Variants in ECT2L observed in about 807,000 individuals in gnomAD.
ECT2L encodes the protein epithelial cell transforming 2 like, also known as epithelial cell-transforming sequence 2 oncogene-like.
In ECT2L, 126 loss-of-function variants were observed where a neutral mutation model predicts 122.8. The ratio of observed to expected loss-of-function variants is 1.03; its 90% CI spans 0.89 to 1.19. The LOEUF is 1.19. Ranked by LOEUF, ECT2L falls within the 50% of genes most tolerant of loss-of-function variation. The pLI is 0.00. For missense variants in ECT2L, 1,012 were observed against 1,064.1 expected, an observed-to-expected ratio of 0.95 and a Z score of 0.68; for synonymous variants, 385 against 381.8, an observed-to-expected ratio of 1.01 and a Z score of -0.10.
intron 16 of ECT2L, among the ~76,000 whole-genome samples, chr6:138,885,115 G>A (rs1268107255): frequency 7.3e-5 from 10 of 136,268 alleles, no homozygotes; most frequent in African/African-American, 2.8e-5. Flanking sequence ...TGCAAGCTCC[G>A]CCTCACAGGT....
chr6:138,876,587 A>T, intron 14 of ECT2L, 29 bp downstream of exon 14: 1 of 1,463,914 alleles, frequency 6.8e-7, no homozygotes, highest in Non-Finnish European at 9.4e-7. Flanking sequence ...TAACTTTACC[A>T]TTGGTTTTGC....
At chr6:138,834,898 C>A (rs895297709) in intron 4 of ECT2L, among the ~76,000 whole-genome samples, 2 of 101,484 alleles carry the variant, frequency 2.0e-5, no homozygotes, top group Non-Finnish European at 4.0e-5. Context: ...CCCGTTTACA[C>A]ACACACACAC....
chr6:138,895,622 G>C (rs1250748193), intron 20 of ECT2L, among the ~76,000 whole-genome samples: 1 of 152,130 alleles, frequency 6.6e-6, no homozygotes, highest in Non-Finnish European at 1.5e-5. Flanking sequence ...CCAGGCTGGA[G>C]TGCAGTGGTG....
At chr6:138,842,567 G>T (rs529380170) in intron 5 of ECT2L, among the ~76,000 whole-genome samples, 23 of 152,226 alleles carry the variant, frequency 1.5e-4, no homozygotes, top group African/African-American at 4.8e-4. Context: ...GTCAGGAGAT[G>T]GAGACCATCC....
At chr6:138,825,540 G>A (rs1178657091) in intron 4 of ECT2L, among the ~76,000 whole-genome samples, 1 of 152,034 alleles carries the variant, frequency 6.6e-6, no homozygotes, top group Non-Finnish European at 1.5e-5. Context: ...CTGAGATCGT[G>A]CAATTGCACT....
intron 10 of ECT2L, among the ~76,000 whole-genome samples, chr6:138,862,284 C>T (rs1360522239): frequency 2.0e-5 from 3 of 152,122 alleles, no homozygotes; most frequent in African/African-American, 4.8e-5. Context: ...ATCTGCTTGG[C>T]ATCTGGTGAG....
At chr6:138,800,880 G>A (rs1279015398) in intron 1 of ECT2L, among the ~76,000 whole-genome samples, 1 of 152,226 alleles carries the variant, frequency 6.6e-6, no homozygotes, top group Non-Finnish European at 1.5e-5. Flanking sequence ...TCAAGGTGCT[G>A]ACAGGTCTGG....
chr6:138,902,489 T>C lies in ECT2L; in HGVS notation c.2588-11T>C. On this transcript the variant is annotated splice_polypyrimidine_tract_variant and intron_variant, in intron 21 of 21. Coordinates refer to ENST00000541398, the MANE Select transcript of ECT2L (RefSeq NM_001077706.3). ...CAAAGATTAATTAGTATACCTCAAATGCTTTTACAGATGTCAAGAATGCAT... is the reference window on the plus strand; with the variant it reads ...CAAAGATTAATTAGTATACCTCAAACGCTTTTACAGATGTCAAGAATGCAT... 1 of 1,610,426 alleles carries C rather than the reference T, an allele frequency of 6.2e-7. No individual in the cohort carries two copies. Among genetic ancestry groups the C allele is most frequent in the Non-Finnish European group, 8.5e-7 (1 of 1,178,264 alleles).
At chr6:138,898,753 C>A (rs1345469179) in intron 20 of ECT2L, among the ~76,000 whole-genome samples, 1 of 152,120 alleles carries the variant, frequency 6.6e-6, no homozygotes, top group Non-Finnish European at 1.5e-5. Flanking sequence ...GAAGAACAAC[C>A]TGGAGGTCTT....
chr6:138,802,281 A>T (rs1562447641), intron 1 of ECT2L, among the ~76,000 whole-genome samples: 2 of 152,262 alleles, frequency 1.3e-5, no homozygotes, highest in South Asian at 4.1e-4. Flanking sequence ...CTCAGCTGAC[A>T]GTTGAATGGT....
chr6:138,813,377 C>A (rs758140303), intron 3 of ECT2L, 37 bp downstream of exon 3: 3 of 1,511,206 alleles, frequency 2.0e-6, no homozygotes, highest in Non-Finnish European at 2.7e-6. Context: ...AAGTTTAATT[C>A]GTAAGGTTAA....
At chr6:138,869,383 CTTAT>C (rs1374486092) in intron 13 of ECT2L, among the ~76,000 whole-genome samples, 1 of 152,174 alleles carries the variant, frequency 6.6e-6, no homozygotes, top group African/African-American at 2.4e-5. Context: ...TCTCTCTCTC[CTTAT>C]TATTGAGTAT....
intron 13 of ECT2L, among the ~76,000 whole-genome samples, chr6:138,875,844 G>T (rs1340914426): frequency 6.6e-6 from 1 of 152,234 alleles, no homozygotes. Flanking sequence ...TACCTGGCCA[G>T]ACTTGGTGGC....
Position 138,880,955 on chromosome 6 carries a change from A to C in ECT2L, c.1666-2A>C. 6.2e-7 allele frequency: 1 copy of C among 1,612,518 alleles called. No homozygotes were observed. The highest frequency in any genetic ancestry group is 8.5e-7 in the Non-Finnish European group (1 of 1,178,818). ...ACTTGAGTTCTTAACACTTCTCTAC[A>C]GGAGAGAATACTCCAGAAGGACTCA... On this transcript the variant is annotated splice_acceptor_variant, in intron 14 of 21. Coordinates refer to ENST00000541398, the MANE Select transcript of ECT2L (RefSeq NM_001077706.3). LOFTEE classifies it high-confidence loss of function.
intron 13 of ECT2L, among the ~76,000 whole-genome samples, chr6:138,868,893 G>C (rs886369200): frequency 2.0e-5 from 3 of 152,176 alleles, no homozygotes; most frequent in South Asian, 2.1e-4. Context: ...GTGGCCAGGC[G>C]TGGTGGCTTA....
At chr6:138,897,387 G>A (rs1562498917) in intron 20 of ECT2L, among the ~76,000 whole-genome samples, 1 of 152,096 alleles carries the variant, frequency 6.6e-6, no homozygotes, top group Non-Finnish European at 1.5e-5. Flanking sequence ...TTCACATAGT[G>A]TTTACATTGT....
chr6:138,818,146 G>T (rs1776131933), intron 4 of ECT2L, among the ~76,000 whole-genome samples: 1 of 152,178 alleles, frequency 6.6e-6, no homozygotes, highest in South Asian at 2.1e-4. Flanking sequence ...GATGGGTGGG[G>T]CAGCATTCAT....
At chr6:138,867,098 C>A (rs1263448699) in intron 12 of ECT2L, among the ~76,000 whole-genome samples, 2 of 149,808 alleles carry the variant, frequency 1.3e-5, no homozygotes, top group Non-Finnish European at 2.9e-5. Context: ...AACAAAAAAA[C>A]AAAAAAACAA....
At chr6:138,861,652 A>G (rs1322946435) in intron 10 of ECT2L, among the ~76,000 whole-genome samples, 1 of 152,146 alleles carries the variant, frequency 6.6e-6, no homozygotes, top group East Asian at 1.9e-4. Flanking sequence ...ATAGATTGCA[A>G]AAATTTTCTC....
Sources: allele counts gnomAD v4.1 joint callset (sites outside exome capture counted in the v4.1 genomes callset), GRCh38; gene constraint gnomAD v4.1.1; transcripts MANE v1.5; gene names NCBI Gene and HGNC (gene_info 2026-07-23, HGNC 2026-07-21).